The following PIGL variants were observed in gnomAD, a reference collection of about 807,000 sequenced individuals.
PIGL encodes the protein phosphatidylinositol glycan anchor biosynthesis class L.
In PIGL, 22 loss-of-function variants were observed where a neutral mutation model predicts 31.1. The observed-to-expected ratio is 0.71, with a 90% CI of 0.51 to 1.01. PIGL has a LOEUF of 1.01. Among genes scored for constraint, PIGL ranks in the 50% least tolerant of loss-of-function variants. PIGL has a pLI of 0.00. For missense variants in PIGL, 302 were observed against 315.9 expected (o/e 0.96, Z 0.33); for synonymous variants, 131 against 117.4 (o/e 1.12, Z -0.75).
chr17:16,242,096 C>T (rs991782672), intron 2 of PIGL, among the ~76,000 whole-genome samples: 1 of 152,026 alleles, frequency 6.6e-6, no homozygotes, highest in African/African-American at 2.4e-5. Context: ...TCTCTGCCAT[C>T]AGGCTAAAGT....
intron 2 of PIGL, among the ~76,000 whole-genome samples, chr17:16,242,536 A>C (rs1410416429): frequency 3.3e-5 from 5 of 152,172 alleles, no homozygotes; most frequent in South Asian, 4.1e-4. Context: ...TTCTGTAAAA[A>C]GCCTACCAGT....
intron 4 of PIGL, 152 bp downstream of exon 4, chr17:16,313,766 C>T: frequency 1.5e-6 from 1 of 662,384 alleles, no homozygotes; most frequent in South Asian, 1.7e-5. Context: ...ATGTTGCTCA[C>T]TGCATCTCAC....
At chr17:16,220,493 T>C (rs1317710384) in intron 1 of PIGL, among the ~76,000 whole-genome samples, 1 of 140,996 alleles carries the variant, frequency 7.1e-6, no homozygotes, top group Non-Finnish European at 1.5e-5. Flanking sequence ...TTTTTTTTTT[T>C]TTTTTTTTTT....
chr17:16,314,984 T>C (rs1229425951), intron 4 of PIGL, among the ~76,000 whole-genome samples: 1 of 152,182 alleles, frequency 6.6e-6, no homozygotes, highest in African/African-American at 2.4e-5. Context: ...AGAGAAAGGA[T>C]CAGGTCAGGT....
At chr17:16,226,330 C>G (rs912729502) in intron 1 of PIGL, among the ~76,000 whole-genome samples, 1 of 152,120 alleles carries the variant, frequency 6.6e-6, no homozygotes, top group Non-Finnish European at 1.5e-5. Context: ...GGGGACTTTG[C>G]TACAGATGTC....
At chr17:16,231,166 G>A (rs1157413255) in intron 1 of PIGL, among the ~76,000 whole-genome samples, 1 of 144,950 alleles carries the variant, frequency 6.9e-6, no homozygotes, top group Non-Finnish European at 1.5e-5. Flanking sequence ...GCCTTCCAAA[G>A]TGCTAGGAGC....
At chr17:16,295,197 A>T (rs2092976195) in intron 2 of PIGL, among the ~76,000 whole-genome samples, 1 of 151,954 alleles carries the variant, frequency 6.6e-6, no homozygotes, top group Non-Finnish European at 1.5e-5. Context: ...TGAGGTCAGG[A>T]GTTCTAGACC....
chr17:16,228,268 G>C (rs866304765), intron 1 of PIGL, among the ~76,000 whole-genome samples: 8 of 151,510 alleles, frequency 5.3e-5, no homozygotes, highest in Admixed American at 2.6e-4. Flanking sequence ...ATGTTGGCCA[G>C]GCTTGTCTTG....
Position 16,253,237 on chromosome 17 carries a change from C to G in PIGL, c.335+19167C>G, listed in dbSNP as rs571043943. On this transcript the variant is annotated intron_variant, in intron 2 of 6. Transcript: ENST00000225609. ...CCATTGCACTCCAGCCTGGACAACA[C>G]GAGGGAAACTCCGTCTCAAAAAAAC... 2.6e-5 allele frequency among the ~76,000 whole-genome samples: 4 copies of G among 151,952 alleles called. No homozygotes were observed. The South Asian group carries it at 6.2e-4, about 24-fold the overall frequency.
intron 4 of PIGL, among the ~76,000 whole-genome samples, chr17:16,314,525 C>T (rs570859098): frequency 2.0e-4 from 31 of 152,330 alleles, no homozygotes; most frequent in Admixed American, 1.8e-3. Context: ...CCAATCCAAA[C>T]TGAAGACCCT....
chr17:16,299,162 T>G (rs2092994350), intron 2 of PIGL, among the ~76,000 whole-genome samples: 1 of 150,206 alleles, frequency 6.7e-6, no homozygotes, highest in Non-Finnish European at 1.5e-5. Flanking sequence ...GAGCCGAGAT[T>G]GTGCCACTGT....
chr17:16,316,930 G>A (rs2093080306), intron 5 of PIGL: 2 of 1,334,596 alleles, frequency 1.5e-6, no homozygotes, highest in East Asian at 2.7e-5. Context: ...GAGTGGGGAG[G>A]CCAGGTTTGC....
intron 3 of PIGL, 82 bp from the exon 4 acceptor site, chr17:16,313,465 C>T: frequency 2.0e-6 from 2 of 1,010,860 alleles, no homozygotes; most frequent in South Asian, 2.5e-5. Flanking sequence ...TCTGTTCTCT[C>T]CTTCCCAAGG....
intron 2 of PIGL, among the ~76,000 whole-genome samples, chr17:16,284,657 G>A (rs906041939): frequency 6.6e-6 from 1 of 152,004 alleles, no homozygotes; most frequent in Non-Finnish European, 1.5e-5. Flanking sequence ...CCCAGGAACT[G>A]ACTTAGCACA....
chr17:16,259,210 T>C (rs2092809433), intron 2 of PIGL, among the ~76,000 whole-genome samples: 1 of 152,164 alleles, frequency 6.6e-6, no homozygotes. Flanking sequence ...TAGGCTTTAT[T>C]CTGTTTTGTT....
At chr17:16,268,897 G>T (rs1196236914) in intron 2 of PIGL, among the ~76,000 whole-genome samples, 2 of 151,934 alleles carry the variant, frequency 1.3e-5, no homozygotes, top group Non-Finnish European at 2.9e-5. Flanking sequence ...TGAGTAGCTG[G>T]GACTACAGGC....
Position 16,314,299 on chromosome 17 carries a change from A to G in PIGL, c.494+685A>G, listed in dbSNP as rs1025777834. Among the ~76,000 whole-genome samples, 5 of 152,192 alleles carry G rather than the reference A, an allele frequency of 3.3e-5. 1 individual carries two copies. The highest frequency in any genetic ancestry group is 1.2e-4 in the African/African-American group (5 of 41,454). On this transcript the variant is annotated intron_variant, in intron 4 of 6. Coordinates refer to ENST00000225609, the MANE Select transcript of PIGL (RefSeq NM_004278.4). ...CAGCTACTGAGGAAGGAAAGAAGCA[A>G]CTTGAAGGGAAGGACTTATTTAATA...
intron 2 of PIGL, among the ~76,000 whole-genome samples, chr17:16,259,563 C>T (rs1219176568): frequency 6.6e-6 from 1 of 152,056 alleles, no homozygotes; most frequent in Non-Finnish European, 1.5e-5. Flanking sequence ...TCCTCCCTCA[C>T]ACCACACACA....
intron 2 of PIGL, among the ~76,000 whole-genome samples, chr17:16,239,205 C>A (rs2092712419): frequency 6.6e-6 from 1 of 151,640 alleles, no homozygotes; most frequent in Admixed American, 6.6e-5. Context: ...GAATTTTGGG[C>A]CAGCCGGGTG....
Sources: gnomAD v4.1 joint callset for allele counts (sites outside exome capture counted in the v4.1 genomes callset) on GRCh38, gnomAD v4.1.1 for gene constraint, MANE v1.5 for transcripts, NCBI Gene and HGNC (gene_info 2026-07-23, HGNC 2026-07-21) for gene names.